HMGB1: variants seen among roughly 807,000 people sequenced by gnomAD.
HMGB1 encodes high mobility group box 1.
For missense variants in HMGB1, 79 were observed against 253.5 expected (o/e 0.31, Z 4.67); for synonymous variants, 81 against 84.0 (o/e 0.96, Z 0.19).
rs1871317907 is a variant in HMGB1, at chr13:30,590,409, A to G, written c.-15+26262T>C. 2.0e-5 allele frequency among the ~76,000 whole-genome samples: 3 copies of G among 152,256 alleles called. No homozygotes were observed. The South Asian group carries it at 6.2e-4, about 32-fold the overall frequency. On this transcript the variant is annotated intron_variant, in intron 1 of 4. Transcript: ENST00000405805. ...GAGACGGCGTTTCACCATGTTGCCC[A>G]AGTTAGTCTCAAACTCCCGGGCTCA...
At chr13:30,475,159 T>TTGG (rs1887060810) in intron 1 of HMGB1, among the ~76,000 whole-genome samples, 2 of 98,692 alleles carry the variant, frequency 2.0e-5, no homozygotes, top group African/African-American at 7.3e-5. Flanking sequence ...TTTTTTTTTT[T>TTGG]GAGACAGGGT....
intron 1 of HMGB1, among the ~76,000 whole-genome samples, chr13:30,610,987 T>G (rs1251227344): frequency 1.3e-5 from 2 of 152,226 alleles, no homozygotes; most frequent in Non-Finnish European, 2.9e-5. Context: ...ACTAAACAAT[T>G]ACCAGCTCCA....
chr13:30,522,011 T>G (rs932526382), intron 1 of HMGB1, among the ~76,000 whole-genome samples: 17 of 152,204 alleles, frequency 1.1e-4, no homozygotes, highest in African/African-American at 3.6e-4. Context: ...TTATCAACAT[T>G]CCTTATACAC....
chr13:30,528,134 T>C (rs1002443603), intron 1 of HMGB1, among the ~76,000 whole-genome samples: 1 of 152,246 alleles, frequency 6.6e-6, no homozygotes, highest in East Asian at 1.9e-4. Flanking sequence ...GCAGCGCCAG[T>C]GACCAGGCAA....
intron 1 of HMGB1, among the ~76,000 whole-genome samples, chr13:30,480,975 C>A (rs1463469976): frequency 6.6e-6 from 1 of 151,690 alleles, no homozygotes; most frequent in Non-Finnish European, 1.5e-5. Flanking sequence ...GAGACTCTCC[C>A]TATGGTTTCC....
intron 1 of HMGB1, among the ~76,000 whole-genome samples, chr13:30,503,647 CTTTT>C (rs10590461): frequency 1.6e-3 from 175 of 106,424 alleles, no homozygotes; most frequent in Non-Finnish European, 2.6e-3. Flanking sequence ...TACTCAGCTT[CTTTT>C]TTTTTTTTTT....
At chr13:30,554,931 G>A (rs1196682800) in intron 1 of HMGB1, among the ~76,000 whole-genome samples, 1 of 151,656 alleles carries the variant, frequency 6.6e-6, no homozygotes, top group African/African-American at 2.4e-5. Flanking sequence ...CTTCTAGATT[G>A]CCTCACAGTT....
chr13:30,469,424 C>T (rs1286513012), upstream of HMGB1, among the ~76,000 whole-genome samples: 2 of 152,116 alleles, frequency 1.3e-5, no homozygotes, highest in African/African-American at 2.4e-5. Flanking sequence ...CTGCTTGTCC[C>T]ACTGCACTGT....
chr13:30,481,157 GT>G (rs1372385926), intron 1 of HMGB1, among the ~76,000 whole-genome samples: 2 of 151,702 alleles, frequency 1.3e-5, no homozygotes, highest in Admixed American at 1.3e-4. Flanking sequence ...CTGTATGTTT[GT>G]TAAAGACAAT....
chr13:30,499,483 G>T (rs949358037), intron 1 of HMGB1, among the ~76,000 whole-genome samples: 1 of 151,986 alleles, frequency 6.6e-6, no homozygotes, highest in Non-Finnish European at 1.5e-5. Flanking sequence ...TGTCCTTCCC[G>T]TTTCTCTTTT....
chr13:30,539,663 T>C, intron 1 of HMGB1: 2 of 262,128 alleles, frequency 7.6e-6, no homozygotes. Flanking sequence ...TCCTGGAGTC[T>C]TCATGAAAGG....
Position 30,586,470 on chromosome 13 carries a change from G to A in HMGB1, c.-15+30201C>T, listed in dbSNP as rs150695038. Among the ~76,000 whole-genome samples, 7 of 123,276 alleles carry A rather than the reference G, an allele frequency of 5.7e-5. No individual in the cohort carries two copies. The South Asian group carries it at 1.8e-3, about 32-fold the overall frequency. 80.9% of individuals were successfully genotyped at this position (123,276 alleles called of 152,430 possible). A position where few individuals can be genotyped will look rare whatever the true frequency, so the allele number is the denominator to read the frequency against. ...ATCTGTTGAAACACTGAAATCACTG[G>A]TTTTTTTTGTTTTTTTTTTTTTTTT... On this transcript the variant is annotated intron_variant, in intron 1 of 4. Coordinates refer to the HMGB1 transcript ENST00000405805.
chr13:30,519,703 A>T (rs1429022722), intron 1 of HMGB1, among the ~76,000 whole-genome samples: 1 of 15,850 alleles, frequency 6.3e-5, no homozygotes, highest in East Asian at 8.8e-4. Flanking sequence ...CCATCAATTA[A>T]AAAAAAAAAA....
intron 1 of HMGB1, among the ~76,000 whole-genome samples, chr13:30,571,724 A>G (rs910011223): frequency 1.3e-5 from 2 of 152,242 alleles, no homozygotes; most frequent in African/African-American, 4.8e-5. Context: ...ATCTGAATCT[A>G]CAGAAAACTA....
At chr13:30,538,465 TCTTTCTTTCTTTC>T (rs1868561851) in intron 1 of HMGB1, among the ~76,000 whole-genome samples, 1 of 66,370 alleles carries the variant, frequency 1.5e-5, no homozygotes, top group Non-Finnish European at 2.9e-5. Context: ...TTTCTTTCTT[TCTTTCTTTCTTTC>T]TTTCTTTCTT....
rs571804343 is a variant in HMGB1, at chr13:30,600,586, G to A, written c.-15+16085C>T. 1.1e-3 allele frequency among the ~76,000 whole-genome samples: 161 copies of A among 152,242 alleles called. 1 individual carries two copies. The Middle Eastern group carries it at 0.014, about 13-fold the overall frequency. ...TATTCTGTATAATAGTATAGGTTGA[G>A]TATTCCTAATCCAAAAATCTGAAGC... is the stretch of plus-strand genomic sequence containing the variant. On this transcript the variant is annotated intron_variant, in intron 1 of 4. Transcript: ENST00000405805.
chr13:30,579,115 A>T (rs1870789710), intron 1 of HMGB1, among the ~76,000 whole-genome samples: 2 of 152,226 alleles, frequency 1.3e-5, no homozygotes, highest in South Asian at 4.1e-4. Flanking sequence ...ACTGTACCTG[A>T]GACATAATAA....
intron 1 of HMGB1, among the ~76,000 whole-genome samples, chr13:30,579,811 G>A (rs903995669): frequency 1.3e-5 from 2 of 152,180 alleles, no homozygotes; most frequent in African/African-American, 4.8e-5. Context: ...TCAGTCAAAT[G>A]TGCTTACATT....
intron 1 of HMGB1, among the ~76,000 whole-genome samples, chr13:30,508,017 A>G (rs1234041445): frequency 6.7e-6 from 1 of 150,142 alleles, no homozygotes; most frequent in African/African-American, 2.5e-5. Context: ...AAAATAATTA[A>G]TGAGAGCCAG....
Sources: allele counts gnomAD v4.1 joint callset (sites outside exome capture counted in the v4.1 genomes callset), GRCh38; gene constraint gnomAD v4.1.1; transcripts MANE v1.5; gene names NCBI Gene and HGNC (gene_info 2026-07-23, HGNC 2026-07-21).